The following CUL1 variants were observed in gnomAD, a reference collection of about 807,000 sequenced individuals.
CUL1 encodes the protein cullin-1.
CUL1 carries 24 observed loss-of-function variants against 118.0 expected under a neutral mutation model. The observed-to-expected ratio is 0.20, with a 90% CI of 0.15 to 0.29. The LOEUF (loss-of-function observed/expected upper bound fraction) is 0.29. Among genes scored for constraint, CUL1 ranks in the 10% least tolerant of loss-of-function variants. The probability of loss-of-function intolerance (pLI) is 1.00; values close to 1 mark genes in which losing one functional copy is unlikely to be tolerated. For missense variants in CUL1, 361 were observed against 933.8 expected (o/e 0.39, Z 7.99); for synonymous variants, 332 against 340.4 (o/e 0.98, Z 0.27).
At chr7:148,765,137 G>A (rs1033978326) in intron 7 of CUL1, among the ~76,000 whole-genome samples, 1 of 152,144 alleles carries the variant, frequency 6.6e-6, no homozygotes, top group African/African-American at 2.4e-5. Context: ...TATTTTCCAA[G>A]TTTATTTTTC....
chr7:148,733,349 TCA>T (rs1798828475), intron 2 of CUL1, among the ~76,000 whole-genome samples: 1 of 152,224 alleles, frequency 6.6e-6, no homozygotes, highest in African/African-American at 2.4e-5. Context: ...CCCTAACTCT[TCA>T]CATATCTTTT....
chr7:148,776,572 C>G (rs1238176727), intron 9 of CUL1, among the ~76,000 whole-genome samples: 6 of 152,016 alleles, frequency 3.9e-5, no homozygotes, highest in African/African-American at 1.4e-4. Flanking sequence ...CCTCCTCAGC[C>G]TCCCAAAGTG....
intron 1 of CUL1, among the ~76,000 whole-genome samples, chr7:148,703,589 G>A (rs1340705392): frequency 6.6e-6 from 1 of 151,976 alleles, no homozygotes; most frequent in African/African-American, 2.4e-5. Flanking sequence ...CTGGAGTGCA[G>A]TGGCGTGATC....
At chr7:148,759,128 C>G (rs534401134) in intron 4 of CUL1, among the ~76,000 whole-genome samples, 176 bp from the exon 5 acceptor site, 1 of 152,334 alleles carries the variant, frequency 6.6e-6, no homozygotes, top group African/African-American at 2.4e-5. Context: ...TTGGATACCT[C>G]TTGAAGTTGT....
chr7:148,769,777 C>T (rs1264192095), intron 9 of CUL1, among the ~76,000 whole-genome samples: 1 of 152,030 alleles, frequency 6.6e-6, no homozygotes, highest in Non-Finnish European at 1.5e-5. Flanking sequence ...TACCTATAGT[C>T]CCAGCTACTC....
intron 2 of CUL1, among the ~76,000 whole-genome samples, chr7:148,746,252 G>A (rs1034358573): frequency 6.6e-6 from 1 of 152,218 alleles, no homozygotes; most frequent in African/African-American, 2.4e-5. Flanking sequence ...CTCTCTGGAA[G>A]CAACTGCTAC....
chr7:148,755,633 A>G (rs181293845), intron 3 of CUL1, among the ~76,000 whole-genome samples: 175 of 152,308 alleles, frequency 1.1e-3, no homozygotes, highest in Non-Finnish European at 1.8e-3. Context: ...CTTTAGTACT[A>G]AAGTAAGAAA....
chr7:148,716,307 G>A (rs920163589), intron 1 of CUL1, among the ~76,000 whole-genome samples: 17 of 152,204 alleles, frequency 1.1e-4, no homozygotes, highest in African/African-American at 3.9e-4. Context: ...ATTTCAAGGT[G>A]TTGATGAGCA....
At chr7:148,786,854 A>G (rs1156241651) in intron 12 of CUL1, 135 bp from the exon 13 acceptor site, 2 of 1,192,402 alleles carry the variant, frequency 1.7e-6, no homozygotes, top group South Asian at 1.5e-5. Context: ...TTTTGCCATC[A>G]TAAACGTTGG....
At chr7:148,722,299 C>T (rs1246451914) in intron 1 of CUL1, among the ~76,000 whole-genome samples, 1 of 152,188 alleles carries the variant, frequency 6.6e-6, no homozygotes, top group African/African-American at 2.4e-5. Flanking sequence ...CCCTCAGCTG[C>T]CTGCTACATC....
intron 1 of CUL1, among the ~76,000 whole-genome samples, chr7:148,703,535 G>A (rs1385535516): frequency 1.3e-5 from 2 of 149,016 alleles, no homozygotes; most frequent in East Asian, 4.2e-4. Flanking sequence ...TTTGTTTTTT[G>A]TTTTTTGTTT....
chr7:148,699,430 C>T (rs1797640023), intron 1 of CUL1, among the ~76,000 whole-genome samples: 1 of 152,084 alleles, frequency 6.6e-6, no homozygotes, highest in Non-Finnish European at 1.5e-5. Flanking sequence ...CGGGCGTCCG[C>T]GCCTCGCCTG....
chr7:148,739,974 C>T (rs1799087830), intron 2 of CUL1, among the ~76,000 whole-genome samples: 1 of 151,960 alleles, frequency 6.6e-6, no homozygotes. Context: ...TTGAAAAAAA[C>T]TTTTCCTCAA....
rs531210262 is a variant in CUL1 at position 148,715,759 on chromosome 7, A to G, written c.-161-14203A>G. 9.2e-5 allele frequency among the ~76,000 whole-genome samples: 14 copies of G among 152,260 alleles called. No homozygotes were observed. The South Asian group carries it at 1.7e-3, about 18-fold the overall frequency. On this transcript the variant is annotated intron_variant, in intron 1 of 21. Transcript: ENST00000325222. ...TTTGGGCTACAATTTTTAAACTGCCAACCTTTAAAAAAAACACATTCAACT... is the reference window on the plus strand; with the variant it reads ...TTTGGGCTACAATTTTTAAACTGCCGACCTTTAAAAAAAACACATTCAACT...
At chr7:148,731,349 C>G (rs1798757990) in intron 2 of CUL1, among the ~76,000 whole-genome samples, 1 of 152,122 alleles carries the variant, frequency 6.6e-6, no homozygotes, top group South Asian at 2.1e-4. Flanking sequence ...TCAGTTCTAT[C>G]AAACTAGTTT....
rs557403754 is a variant in CUL1, at chr7:148,799,202, G to A, written c.2137-73G>A. On this transcript the variant is annotated intron_variant, in intron 20 of 21. Transcript: ENST00000325222. ...CATAGGCGTCGGCAGCCTCTGTGCAGCTTGTCCTTAACTATCAATACAACG... is the reference window on the plus strand; with the variant it reads ...CATAGGCGTCGGCAGCCTCTGTGCAACTTGTCCTTAACTATCAATACAACG... 9 of 1,168,708 alleles carry A rather than the reference G, an allele frequency of 7.7e-6. No individual in the cohort carries two copies. In the Middle Eastern group the frequency reaches 7.5e-4, roughly 98 times the overall value. The allele number at this position is 1,168,708 out of a possible 1,614,324, so 72.4% of individuals were successfully genotyped here.
chr7:148,703,582 G>A (rs1456337525), intron 1 of CUL1, among the ~76,000 whole-genome samples: 1 of 151,980 alleles, frequency 6.6e-6, no homozygotes, highest in African/African-American at 2.4e-5. Context: ...GCCCCCACTG[G>A]AGTGCAGTGG....
At chr7:148,766,158 T>G (rs1799995946) in intron 7 of CUL1, among the ~76,000 whole-genome samples, 1 of 152,066 alleles carries the variant, frequency 6.6e-6, no homozygotes, top group South Asian at 2.1e-4. Flanking sequence ...AGAAACGGAG[T>G]CTTGCTCTGT....
At chr7:148,751,272 C>T (rs1799481825) in intron 2 of CUL1, among the ~76,000 whole-genome samples, 1 of 152,194 alleles carries the variant, frequency 6.6e-6, no homozygotes, top group Non-Finnish European at 1.5e-5. Context: ...AAGGGCCTGG[C>T]AAGGTGGCTC....
Sources: allele counts gnomAD v4.1 joint callset (sites outside exome capture counted in the v4.1 genomes callset), GRCh38; gene constraint gnomAD v4.1.1; transcripts MANE v1.5; gene names NCBI Gene and HGNC (gene_info 2026-07-23, HGNC 2026-07-21).